NTNG1: variants seen among roughly 807,000 people sequenced by gnomAD.
The protein encoded by NTNG1 is netrin-G1.
A neutral mutation model predicts 54.0 loss-of-function variants in NTNG1; 16 were observed. That is an observed-to-expected ratio of 0.30 (90% confidence interval 0.20 to 0.45). The LOEUF (loss-of-function observed/expected upper bound fraction) is 0.45. NTNG1 is among the 20% of genes least tolerant of loss of function. NTNG1 has a pLI of 1.00. For synonymous variants in NTNG1, 255 were observed against 263.1 expected, an observed-to-expected ratio of 0.97 and a Z score of 0.30; for missense variants, 530 against 678.7, an observed-to-expected ratio of 0.78 and a Z score of 2.43.
Position 107,386,149 on chromosome 1 carries a change from G to GTA in NTNG1, c.888-8989_888-8988dup, listed in dbSNP as rs1261491157. The stretch of plus-strand genomic sequence containing the variant: ...TATGTATGTATATATATATATGTGT[G>GTA]TATATATATATATATATTTTTTTTT... On this transcript the variant is annotated intron_variant, in intron 3 of 7. Coordinates refer to ENST00000370068, the MANE Select transcript of NTNG1 (RefSeq NM_001113226.3). Among the ~76,000 whole-genome samples the GTA allele has an allele frequency of 1.6e-3, 161 of 98,734 alleles. 3 individuals carry two copies. Among genetic ancestry groups the GTA allele is most frequent in the South Asian group, 9.4e-3 (23 of 2,448 alleles). The allele number at this position is 98,734 out of a possible 152,430, so 64.8% of individuals were successfully genotyped here.
At chr1:107,426,745 T>C (rs1674932998) in intron 5 of NTNG1, among the ~76,000 whole-genome samples, 1 of 152,052 alleles carries the variant, frequency 6.6e-6, no homozygotes, top group Admixed American at 6.6e-5. Flanking sequence ...TGATAGGAAT[T>C]GCACTGAATT....
chr1:107,278,721 A>G (rs1428290235), intron 2 of NTNG1, among the ~76,000 whole-genome samples: 1 of 152,086 alleles, frequency 6.6e-6, no homozygotes, highest in Non-Finnish European at 1.5e-5. Context: ...TATTTTCACC[A>G]GTTTATCTCC....
chr1:107,231,099 C>T (rs1661035065), intron 2 of NTNG1, among the ~76,000 whole-genome samples: 1 of 152,142 alleles, frequency 6.6e-6, no homozygotes, highest in Non-Finnish European at 1.5e-5. Context: ...TGTTTCCTTG[C>T]CTGTAGAACA....
intron 3 of NTNG1, among the ~76,000 whole-genome samples, chr1:107,339,455 C>T (rs1404275304): frequency 6.6e-6 from 1 of 151,878 alleles, no homozygotes; most frequent in African/African-American, 2.4e-5. Flanking sequence ...GAAAAATAGC[C>T]CAAAGAAAGT....
At position 107,473,477 on chromosome 1, in the gene NTNG1, C is replaced by A. The variant is rs2101592222; in HGVS notation, c.1391-7134C>A. Among the ~76,000 whole-genome samples, 2 of 152,250 alleles carry A rather than the reference C, an allele frequency of 1.3e-5. 1 individual carries two copies. The highest frequency in any genetic ancestry group is 4.2e-4 in the South Asian group (2 of 4,818). ...TCCATCTGTGGTCAGTTTTTCCATA[C>A]CTTCCAGAAAGAACTCATAGAGGGG... On this transcript the variant is annotated intron_variant, in intron 7 of 7. Coordinates refer to ENST00000370068, the MANE Select transcript of NTNG1 (RefSeq NM_001113226.3).
chr1:107,465,797 T>G (rs1041070402), intron 7 of NTNG1, among the ~76,000 whole-genome samples: 2 of 150,286 alleles, frequency 1.3e-5, no homozygotes, highest in Non-Finnish European at 2.9e-5. Context: ...GGAGGACTTA[T>G]GTAAGATCCA....
intron 7 of NTNG1, among the ~76,000 whole-genome samples, chr1:107,437,980 T>G (rs1259014773): frequency 6.6e-6 from 1 of 152,182 alleles, no homozygotes; most frequent in Admixed American, 6.5e-5. Flanking sequence ...CCAATTTCTA[T>G]AGAAAACTGT....
At chr1:107,291,937 T>G (rs1433122024) in intron 2 of NTNG1, among the ~76,000 whole-genome samples, 4 of 152,074 alleles carry the variant, frequency 2.6e-5, no homozygotes, top group Non-Finnish European at 5.9e-5. Context: ...ATAAAAGAAC[T>G]CTTTCAAATT....
chr1:107,480,575 C>CCCCCAATGTTGG, intron 7 of NTNG1, 36 bp from the exon 8 acceptor site: 1 of 512,238 alleles, frequency 2.0e-6, no homozygotes, highest in South Asian at 2.2e-5. Flanking sequence ...CTCCTCCCCG[C>CCCCCAATGTTGG]GCCCACCCAC....
intron 3 of NTNG1, among the ~76,000 whole-genome samples, chr1:107,351,386 AGCT>A (rs1669590180): frequency 6.6e-6 from 1 of 152,226 alleles, no homozygotes; most frequent in African/African-American, 2.4e-5. Flanking sequence ...GCATGGCAGC[AGCT>A]GCTTCTGGGG....
chr1:107,297,248 C>CATATATAT (rs1557878514), intron 2 of NTNG1, among the ~76,000 whole-genome samples: 4,922 of 63,134 alleles, frequency 0.078, 278 homozygotes, highest in Non-Finnish European at 0.083. Context: ...TATATATATG[C>CATATATAT]GCACACACAC....
chr1:107,333,101 C>G (rs1274472116), intron 3 of NTNG1, among the ~76,000 whole-genome samples: 1 of 151,986 alleles, frequency 6.6e-6, no homozygotes, highest in Admixed American at 6.6e-5. Context: ...CTGGCTCTCT[C>G]TTGCATTGTG....
chr1:107,355,695 C>T (rs1157858258), intron 3 of NTNG1, among the ~76,000 whole-genome samples: 1 of 152,114 alleles, frequency 6.6e-6, no homozygotes, highest in Non-Finnish European at 1.5e-5. Flanking sequence ...TATAAACAGA[C>T]ACACACTAAT....
At position 107,421,030 on chromosome 1, in the gene NTNG1, T is replaced by C. The variant is rs1674539118; in HGVS notation, c.1088-9720T>C. The C allele has an allele frequency of 3.2e-6, 4 of 1,257,376 alleles. No individual in the cohort carries two copies. In the African/African-American group the frequency reaches 5.9e-5, roughly 18 times the overall value. 77.9% of individuals were successfully genotyped at this position (1,257,376 alleles called of 1,614,324 possible). A position where few individuals can be genotyped will look rare whatever the true frequency, so the allele number is the denominator to read the frequency against. On this transcript the variant is annotated intron_variant, in intron 5 of 7. Coordinates refer to ENST00000370068, the MANE Select transcript of NTNG1 (RefSeq NM_001113226.3). ...GGGTTGGTGATAAGTTATTACAGTT[T>C]GAACGTTTCACTATTGTTTCTAATT...
intron 2 of NTNG1, among the ~76,000 whole-genome samples, chr1:107,301,881 T>C (rs1235893154): frequency 6.6e-6 from 1 of 152,210 alleles, no homozygotes; most frequent in Non-Finnish European, 1.5e-5. Context: ...TGAATCTTTA[T>C]GAGGGAGAGC....
intron 5 of NTNG1, among the ~76,000 whole-genome samples, chr1:107,424,220 A>T (rs1444215968): frequency 1.3e-5 from 2 of 152,114 alleles, no homozygotes; most frequent in Non-Finnish European, 2.9e-5. Flanking sequence ...TTAAAAAGAA[A>T]TGGGGAAGCA....
intron 7 of NTNG1, among the ~76,000 whole-genome samples, chr1:107,444,194 T>G (rs1676165370): frequency 6.6e-6 from 1 of 152,066 alleles, no homozygotes; most frequent in African/African-American, 2.4e-5. Flanking sequence ...GCCATTGCAT[T>G]CCAGATGCAG....
intron 2 of NTNG1, among the ~76,000 whole-genome samples, chr1:107,202,800 G>A (rs753636579): frequency 2.0e-5 from 3 of 151,734 alleles, no homozygotes; most frequent in African/African-American, 7.3e-5. Flanking sequence ...GCTGACCTCC[G>A]TAGTCAGACC....
rs528061339 is a variant in NTNG1 at position 107,206,362 on chromosome 1, T to G, written c.246+57523T>G. On this transcript the variant is annotated intron_variant, in intron 2 of 7. Coordinates refer to ENST00000370068, the MANE Select transcript of NTNG1 (RefSeq NM_001113226.3). ...AGTGTATAGTGGTGTTTCACTGTGG[T>G]TTTAATTTTATTTTCCCTATGGGTA... 3.3e-5 allele frequency among the ~76,000 whole-genome samples: 5 copies of G among 152,256 alleles called. No homozygotes were observed. The South Asian group carries it at 1.0e-3, about 32-fold the overall frequency.
Sources: gnomAD v4.1 joint callset for allele counts (sites outside exome capture counted in the v4.1 genomes callset) on GRCh38, gnomAD v4.1.1 for gene constraint, MANE v1.5 for transcripts, NCBI Gene and HGNC (gene_info 2026-07-23, HGNC 2026-07-21) for gene names.